Variants in KCNG3 observed in about 807,000 individuals in gnomAD.
KCNG3 encodes the protein potassium voltage-gated channel modifier subfamily G member 3, also known as voltage-gated potassium channel regulatory subunit KCNG3.
KCNG3 carries 15 observed loss-of-function variants against 29.0 expected under a neutral mutation model. The ratio of observed to expected loss-of-function variants is 0.52; its 90% CI spans 0.35 to 0.80. The LOEUF (loss-of-function observed/expected upper bound fraction) is 0.80, where lower values mean the gene tolerates loss of function less well. Among genes scored for constraint, KCNG3 ranks in the 30% least tolerant of loss-of-function variants. The pLI is 0.01. For missense variants in KCNG3, 512 were observed against 605.7 expected (o/e 0.85, Z 1.62); for synonymous variants, 322 against 248.9 (o/e 1.29, Z -2.76).
At chr2:42,402,580 T>C in the KCNG3 span, among the ~76,000 whole-genome samples, 1 of 152,234 alleles carries the variant, frequency 6.6e-6, no homozygotes, top group Non-Finnish European at 1.5e-5. Flanking sequence ...CAGCTGGAAT[T>C]CGTTTTGTGT....
intron 1 of KCNG3, among the ~76,000 whole-genome samples, chr2:42,472,884 T>A (rs1343479763): frequency 7.8e-6 from 1 of 127,956 alleles, no homozygotes; most frequent in Non-Finnish European, 1.6e-5. Context: ...TATAGATCTA[T>A]CGATAGATAT....
At chr2:42,408,164 C>CT in the KCNG3 span, among the ~76,000 whole-genome samples, 1 of 152,144 alleles carries the variant, frequency 6.6e-6, no homozygotes, top group African/African-American at 2.4e-5. Context: ...TCAGCACTGG[C>CT]TTGCAGAAGC....
At chr2:42,396,027 T>C in the KCNG3 span, among the ~76,000 whole-genome samples, 19 of 152,342 alleles carry the variant, frequency 1.2e-4, no homozygotes, top group East Asian at 5.8e-4. Context: ...ACTTTAAACA[T>C]GCTCAGAACA....
intron 1 of KCNG3, among the ~76,000 whole-genome samples, chr2:42,468,023 T>A (rs1191147788): frequency 2.0e-5 from 3 of 149,056 alleles, no homozygotes; most frequent in African/African-American, 7.4e-5. Flanking sequence ...AGACAGACAG[T>A]ACAAGAGAGA....
At chr2:42,483,993 G>A (rs1007833829) in intron 1 of KCNG3, among the ~76,000 whole-genome samples, 1 of 152,112 alleles carries the variant, frequency 6.6e-6, no homozygotes, top group African/African-American at 2.4e-5. Flanking sequence ...ATGTTGCCCA[G>A]GCTGGTCTCG....
At chr2:42,476,963 A>G (rs1673441309) in intron 1 of KCNG3, among the ~76,000 whole-genome samples, 1 of 150,132 alleles carries the variant, frequency 6.7e-6, no homozygotes, top group South Asian at 2.1e-4. Flanking sequence ...AGACGGCGAG[A>G]TCACGAGGTC....
At chr2:42,413,645 A>G in the KCNG3 span, 1 of 152,244 alleles carries the variant, frequency 6.6e-6, no homozygotes, top group Non-Finnish European at 1.5e-5. Flanking sequence ...TTTATAAAGG[A>G]AAGAGGCTTA....
intron 1 of KCNG3, among the ~76,000 whole-genome samples, chr2:42,482,085 A>T (rs956263897): frequency 6.6e-6 from 1 of 152,168 alleles, no homozygotes; most frequent in African/African-American, 2.4e-5. Context: ...CAGCCTCCCA[A>T]ACAGCTGGGA....
chr2:42,461,078 G>A (rs1351630985), intron 1 of KCNG3, among the ~76,000 whole-genome samples: 2 of 149,390 alleles, frequency 1.3e-5, no homozygotes, highest in Non-Finnish European at 3.0e-5. Context: ...GGAGGATGGC[G>A]TGAACTCAGG....
the KCNG3 span, among the ~76,000 whole-genome samples, chr2:42,410,057 T>C: frequency 6.6e-6 from 1 of 152,180 alleles, no homozygotes; most frequent in East Asian, 1.9e-4. Flanking sequence ...AAAGGTGGCA[T>C]ACTATATATA....
chr2:42,450,860 C>A (rs1004905796), intron 1 of KCNG3, among the ~76,000 whole-genome samples: 2 of 152,138 alleles, frequency 1.3e-5, no homozygotes, highest in Non-Finnish European at 2.9e-5. Flanking sequence ...GATTTTAAAG[C>A]TAAAAGGAGC....
intron 1 of KCNG3, among the ~76,000 whole-genome samples, chr2:42,462,085 A>C (rs1673033979): frequency 1.3e-5 from 2 of 152,204 alleles, no homozygotes; most frequent in Non-Finnish European, 2.9e-5. Context: ...TGTACCCATT[A>C]AACTGCTAAA....
chr2:42,441,537 CTCA>C (rs958895625), downstream of KCNG3, among the ~76,000 whole-genome samples: 8 of 151,976 alleles, frequency 5.3e-5, no homozygotes, highest in African/African-American at 1.4e-4. Flanking sequence ...TCTATCACGT[CTCA>C]TCGTCTCCTT....
intron 1 of KCNG3, among the ~76,000 whole-genome samples, chr2:42,449,346 AG>A (rs1371900374): frequency 1.3e-5 from 2 of 152,180 alleles, no homozygotes; most frequent in Admixed American, 6.5e-5. Context: ...CCATAAATAA[AG>A]TTTTATTGGA....
chr2:42,401,585 G>A, the KCNG3 span, among the ~76,000 whole-genome samples: 3 of 151,990 alleles, frequency 2.0e-5, no homozygotes, highest in Non-Finnish European at 2.9e-5. Flanking sequence ...GGGGCCACAA[G>A]TGCACACAAC....
chr2:42,451,837 C>A (rs546930900), intron 1 of KCNG3, among the ~76,000 whole-genome samples: 1 of 151,676 alleles, frequency 6.6e-6, no homozygotes, highest in African/African-American at 2.4e-5. Context: ...GAGTTCAAGG[C>A]TGCAGGGAGC....
intron 1 of KCNG3, among the ~76,000 whole-genome samples, chr2:42,487,762 G>A (rs1308700569): frequency 3.3e-5 from 5 of 152,146 alleles, no homozygotes; most frequent in Non-Finnish European, 7.3e-5. Context: ...TAACTCTCAG[G>A]AATGTATCCT....
the KCNG3 span, among the ~76,000 whole-genome samples, chr2:42,391,595 CTTTTT>C: frequency 0.021 from 1,875 of 87,886 alleles, 26 homozygotes; most frequent in African/African-American, 0.085. Flanking sequence ...TTTTATATCT[CTTTTT>C]TTTTTTTTTT....
the KCNG3 span, among the ~76,000 whole-genome samples, chr2:42,405,854 C>A: frequency 4.6e-5 from 7 of 152,168 alleles, no homozygotes; most frequent in Non-Finnish European, 7.3e-5. Flanking sequence ...GACCTGCCCG[C>A]CTCGGCCTCC....
Sources: allele counts gnomAD v4.1 joint callset (sites outside exome capture counted in the v4.1 genomes callset), GRCh38; gene constraint gnomAD v4.1.1; transcripts MANE v1.5; gene names NCBI Gene and HGNC (gene_info 2026-07-23, HGNC 2026-07-21).